The following LOC400499 variants were observed in gnomAD, a reference collection of about 807,000 sequenced individuals.
At chr16:11,411,438 A>G in the LOC400499 span, 1 of 397,864 alleles carries the variant, frequency 2.5e-6, no homozygotes, top group East Asian at 3.6e-5. Flanking sequence ...TCAGAGAGCC[A>G]GGATCACATC....
At chr16:11,480,515 C>T in the LOC400499 span, among the ~76,000 whole-genome samples, 1 of 152,180 alleles carries the variant, frequency 6.6e-6, no homozygotes, top group Non-Finnish European at 1.5e-5. Flanking sequence ...TAATCTAAAA[C>T]TCCAACAATG....
chr16:11,509,091 A>G, the LOC400499 span, among the ~76,000 whole-genome samples: 16 of 151,510 alleles, frequency 1.1e-4, no homozygotes, highest in African/African-American at 3.6e-4. Context: ...GGCCACTCAC[A>G]TCAGGGAACA....
chr16:11,450,853 C>T, the LOC400499 span: 44 of 1,512,874 alleles, frequency 2.9e-5, no homozygotes, highest in South Asian at 8.4e-5. Flanking sequence ...ATCTGGTACA[C>T]GGGGTAGAGA....
chr16:11,393,199 G>C, the LOC400499 span, among the ~76,000 whole-genome samples: 1 of 144,238 alleles, frequency 6.9e-6, no homozygotes, highest in East Asian at 2.2e-4. Flanking sequence ...TCACTATGTT[G>C]CCCAGGCTGG....
chr16:11,403,444 TATACACACACATGCACAC>T, the LOC400499 span, among the ~76,000 whole-genome samples: 1 of 152,002 alleles, frequency 6.6e-6, no homozygotes, highest in African/African-American at 2.4e-5. Context: ...CACGTGCATG[TATACACACACATGCACAC>T]ATACACACAT....
the LOC400499 span, chr16:11,446,701 C>A: frequency 1.3e-6 from 2 of 1,532,456 alleles, no homozygotes; most frequent in East Asian, 4.9e-5. Flanking sequence ...CTGGGGCCTT[C>A]CTCTGGCTCT....
At chr16:11,423,668 T>C in the LOC400499 span, among the ~76,000 whole-genome samples, 1 of 152,248 alleles carries the variant, frequency 6.6e-6, no homozygotes, top group Non-Finnish European at 1.5e-5. Flanking sequence ...TTAGCCACCC[T>C]CAGGGACAGG....
chr16:11,434,984 T>C, the LOC400499 span, among the ~76,000 whole-genome samples: 1 of 152,204 alleles, frequency 6.6e-6, no homozygotes, highest in Non-Finnish European at 1.5e-5. Flanking sequence ...ATTATTATTA[T>C]TACTATTTTA....
the LOC400499 span, among the ~76,000 whole-genome samples, chr16:11,526,215 G>A: frequency 1.1e-3 from 161 of 152,244 alleles, no homozygotes; most frequent in African/African-American, 3.8e-3. Context: ...AATGTTACTG[G>A]TTACAGAGAA....
At chr16:11,512,557 C>T in the LOC400499 span, among the ~76,000 whole-genome samples, 3 of 150,570 alleles carry the variant, frequency 2.0e-5, no homozygotes, top group African/African-American at 4.9e-5. Flanking sequence ...GCCAGGATCA[C>T]GCCACTGGAC....
the LOC400499 span, among the ~76,000 whole-genome samples, chr16:11,502,341 G>T: frequency 6.6e-6 from 1 of 152,144 alleles, no homozygotes; most frequent in Non-Finnish European, 1.5e-5. Context: ...GAAGCTCCAG[G>T]TCTGGCTTCT....
the LOC400499 span, chr16:11,460,916 G>A: frequency 3.4e-6 from 5 of 1,488,096 alleles, no homozygotes; most frequent in Non-Finnish European, 4.5e-6. Flanking sequence ...AAACAGGGCA[G>A]GCCCTGCCAC....
the LOC400499 span, among the ~76,000 whole-genome samples, chr16:11,476,424 C>T: frequency 1.2e-3 from 188 of 152,146 alleles, no homozygotes; most frequent in African/African-American, 4.2e-3. Context: ...CTGTCAGACA[C>T]GCCCACCCTT....
At chr16:11,374,849 A>G in the LOC400499 span, among the ~76,000 whole-genome samples, 2 of 152,088 alleles carry the variant, frequency 1.3e-5, no homozygotes, top group East Asian at 1.9e-4. Context: ...GCTGGATTGT[A>G]TGGTAACTCT....
At chr16:11,379,740 G>C in the LOC400499 span, among the ~76,000 whole-genome samples, 1 of 152,180 alleles carries the variant, frequency 6.6e-6, no homozygotes, top group East Asian at 1.9e-4. Flanking sequence ...TGCTTTCTCT[G>C]TCATTTCGTC....
chr16:11,498,547 A>C, the LOC400499 span, among the ~76,000 whole-genome samples: 3 of 152,262 alleles, frequency 2.0e-5, no homozygotes, highest in Non-Finnish European at 2.9e-5. Flanking sequence ...AAAGTTCATT[A>C]AAATACTCTC....
At chr16:11,480,172 A>G in the LOC400499 span, among the ~76,000 whole-genome samples, 62 of 152,224 alleles carry the variant, frequency 4.1e-4, no homozygotes, top group African/African-American at 1.4e-3. Context: ...ATCTGCTGCC[A>G]TTCATCACTG....
the LOC400499 span, among the ~76,000 whole-genome samples, chr16:11,506,506 C>A: frequency 3.2e-4 from 48 of 152,266 alleles, no homozygotes; most frequent in Non-Finnish European, 6.2e-4. Flanking sequence ...CTCAGAACAC[C>A]CAAGATTGGT....
the LOC400499 span, chr16:11,461,030 G>C: frequency 6.5e-7 from 1 of 1,536,134 alleles, no homozygotes; most frequent in Admixed American, 2.0e-5. Flanking sequence ...AGCAGGCCAA[G>C]GGCACGAAGC....
Sources: allele counts gnomAD v4.1 joint callset (sites outside exome capture counted in the v4.1 genomes callset), GRCh38; gene constraint gnomAD v4.1.1; transcripts MANE v1.5.